The following FAM135B variants were observed in gnomAD, a reference collection of about 807,000 sequenced individuals.
FAM135B encodes the protein family with sequence similarity 135 member B, also known as protein FAM135B.
FAM135B carries 43 observed loss-of-function variants against 127.7 expected under a neutral mutation model. The ratio of observed to expected loss-of-function variants is 0.34; its 90% CI spans 0.26 to 0.43. The LOEUF is 0.43. Ranked by LOEUF, FAM135B falls within the 20% of genes least tolerant of loss-of-function variation. FAM135B has a pLI of 1.00. For synonymous variants in FAM135B, 670 were observed against 665.1 expected, an observed-to-expected ratio of 1.01 and a Z score of -0.11; for missense variants, 1,558 against 1,725.6, an observed-to-expected ratio of 0.90 and a Z score of 1.72.
At chr8:138,148,814 T>C in intron 13 of FAM135B, 128 bp from the exon 14 acceptor site, 1 of 620,410 alleles carries the variant, frequency 1.6e-6, no homozygotes, top group Non-Finnish European at 2.7e-6. Context: ...CAAAGCTGAC[T>C]TGAGCCCCCA....
intron 8 of FAM135B, among the ~76,000 whole-genome samples, chr8:138,195,542 T>G (rs1816543833): frequency 6.6e-6 from 1 of 152,062 alleles, no homozygotes; most frequent in Non-Finnish European, 1.5e-5. Context: ...TATCACCTCA[T>G]GCACACGGTT....
intron 1 of FAM135B, among the ~76,000 whole-genome samples, chr8:138,466,659 G>A (rs1386433610): frequency 6.6e-6 from 1 of 152,122 alleles, no homozygotes; most frequent in Non-Finnish European, 1.5e-5. Flanking sequence ...GAGCAGTAAG[G>A]ACAAATTAAT....
chr8:138,257,878 T>TAA (rs1272255688), intron 4 of FAM135B, among the ~76,000 whole-genome samples: 1 of 78,350 alleles, frequency 1.3e-5, no homozygotes, highest in South Asian at 4.4e-4. Flanking sequence ...CTACAAAAAA[T>TAA]AAAAAATAAA....
intron 2 of FAM135B, among the ~76,000 whole-genome samples, chr8:138,315,962 T>C (rs1021534156): frequency 5.9e-5 from 9 of 152,178 alleles, no homozygotes; most frequent in South Asian, 2.1e-4. Context: ...CGGAGGATTA[T>C]AGTTAATAAT....
intron 2 of FAM135B, among the ~76,000 whole-genome samples, chr8:138,335,264 G>A (rs755128585): frequency 2.0e-5 from 3 of 152,144 alleles, no homozygotes; most frequent in Non-Finnish European, 4.4e-5. Context: ...AGAGGTGAGA[G>A]GAAGAACCCG....
intron 1 of FAM135B, among the ~76,000 whole-genome samples, chr8:138,460,499 A>G (rs939956400): frequency 8.5e-5 from 13 of 152,216 alleles, no homozygotes; most frequent in Non-Finnish European, 1.3e-4. Flanking sequence ...CTTCACCCAA[A>G]CATGGCAGGG....
intron 1 of FAM135B, among the ~76,000 whole-genome samples, chr8:138,443,338 G>T (rs1255533747): frequency 6.6e-6 from 1 of 151,668 alleles, no homozygotes; most frequent in Non-Finnish European, 1.5e-5. Context: ...AGATCCTGTG[G>T]GTTCCAAAGA....
chr8:138,433,714 T>C (rs1297754141), intron 1 of FAM135B, among the ~76,000 whole-genome samples: 1 of 152,200 alleles, frequency 6.6e-6, no homozygotes, highest in African/African-American at 2.4e-5. Flanking sequence ...TTCAAGTTTA[T>C]GACTTGTTTT....
At chr8:138,343,970 G>A (rs545080642) in intron 2 of FAM135B, among the ~76,000 whole-genome samples, 4 of 152,158 alleles carry the variant, frequency 2.6e-5, no homozygotes, top group Non-Finnish European at 4.4e-5. Flanking sequence ...GCAGATCTTC[G>A]AGGCTTGTGC....
intron 18 of FAM135B, 123 bp from the exon 19 acceptor site, chr8:138,137,383 C>A: frequency 1.5e-6 from 1 of 670,360 alleles, no homozygotes; most frequent in South Asian, 1.7e-5. Context: ...ACACCACACA[C>A]TAGTGTCATC....
intron 1 of FAM135B, among the ~76,000 whole-genome samples, chr8:138,419,089 T>C (rs1834338280): frequency 1.3e-5 from 2 of 152,086 alleles, no homozygotes; most frequent in South Asian, 2.1e-4. Context: ...AAGACCAAAC[T>C]GTATGCTGTC....
At chr8:138,170,363 C>G (rs1820323888) in intron 11 of FAM135B, among the ~76,000 whole-genome samples, 1 of 151,932 alleles carries the variant, frequency 6.6e-6, no homozygotes, top group East Asian at 1.9e-4. Context: ...GCTGGGATTA[C>G]AGGCAGGTGC....
chr8:138,210,428 G>T (rs1382264798), intron 7 of FAM135B, among the ~76,000 whole-genome samples: 2 of 152,074 alleles, frequency 1.3e-5, no homozygotes, highest in African/African-American at 2.4e-5. Flanking sequence ...CTGAGACTGG[G>T]TAATTTATGA....
At chr8:138,200,722 G>T (rs1817051753) in intron 7 of FAM135B, among the ~76,000 whole-genome samples, 1 of 152,078 alleles carries the variant, frequency 6.6e-6, no homozygotes, top group South Asian at 2.1e-4. Flanking sequence ...CTATATGTGT[G>T]TATGTCTTGA....
intron 3 of FAM135B, among the ~76,000 whole-genome samples, chr8:138,276,189 C>A (rs1293826859): frequency 6.6e-6 from 1 of 152,186 alleles, no homozygotes; most frequent in Non-Finnish European, 1.5e-5. Context: ...GGAGACTCAG[C>A]AAATTGGAGG....
chr8:138,482,886 T>A (rs1336361359), intron 1 of FAM135B, among the ~76,000 whole-genome samples: 1 of 152,070 alleles, frequency 6.6e-6, no homozygotes. Flanking sequence ...TAGAAAAAAA[T>A]GTTGTTAAAC....
At chr8:138,345,683 A>G (rs1829361497) in intron 2 of FAM135B, among the ~76,000 whole-genome samples, 1 of 152,224 alleles carries the variant, frequency 6.6e-6, no homozygotes, top group Non-Finnish European at 1.5e-5. Flanking sequence ...CCATGTGGCG[A>G]CGACAATGGA....
intron 5 of FAM135B, among the ~76,000 whole-genome samples, chr8:138,252,907 G>A (rs1270696006): frequency 6.6e-6 from 1 of 152,038 alleles, no homozygotes; most frequent in Non-Finnish European, 1.5e-5. Context: ...TCAAGCAATT[G>A]TCCCACCTCA....
rs2130490606 is a variant in FAM135B, at chr8:138,132,795, G to A, written c.4019C>T (p.Pro1340Leu). 1 of 1,613,908 alleles carries A rather than the reference G, an allele frequency of 6.2e-7. No individual in the cohort carries two copies. The highest frequency in any genetic ancestry group is 1.1e-5 in the South Asian group (1 of 91,074). The change falls in exon 20 of 20, where the codon CCA (proline) becomes CTA (leucine). Residue 1340 changes from proline (P) to leucine (L), a missense_variant. Pro to Leu is a moderately conservative substitution (Grantham distance 98, BLOSUM62 -3). This residue lies in a region of FAM135B where 194 missense variants were observed against 333.8 expected (regional missense o/e 0.58). Coordinates refer to ENST00000395297, the MANE Select transcript of FAM135B (RefSeq NM_015912.4). The surrounding 1 kb of genome is among the most constrained non-coding windows in gnomAD (Gnocchi z 4.5). Reference sequence around the variant, plus strand: ...GTTGTTGATCATTTCTGCATAAACTGGCCCTGTAAAGTGGGGAAGAAGGAC... The same window carrying A: ...GTTGTTGATCATTTCTGCATAAACTAGCCCTGTAAAGTGGGGAAGAAGGAC... ...KTALKDRHTG[P>L]VYAEMINNLL...
Sources: allele counts gnomAD v4.1 joint callset (sites outside exome capture counted in the v4.1 genomes callset), GRCh38; gene constraint gnomAD v4.1.1; regional missense constraint gnomAD v4.1.1; non-coding constraint Gnocchi (gnomAD v3.1); transcripts MANE v1.5; gene names NCBI Gene and HGNC (gene_info 2026-07-23, HGNC 2026-07-21).